Variants in MTF2 observed in about 807,000 individuals in gnomAD.
MTF2 encodes metal-response element-binding transcription factor 2.
In MTF2, 11 loss-of-function variants were observed where a neutral mutation model predicts 79.5. That is an observed-to-expected ratio of 0.14 (90% CI 0.09 to 0.23). MTF2 has a LOEUF of 0.23. MTF2 is among the 10% of genes least tolerant of loss of function. The pLI is 1.00. For missense variants in MTF2, 486 were observed against 711.2 expected (o/e 0.68, Z 3.60); for synonymous variants, 208 against 232.8 (o/e 0.89, Z 0.97).
In MTF2 at chr1:93,115,575, A is replaced by T; in HGVS notation, c.589A>T (p.Thr197Ser). ...CCTTGAATGGGATGCAGGTCATAAA[A>T]CCAATGTCCAGCAGTGTTACTGCTA... The part of the protein sequence containing the change: ...ADLEWDAGHK[T>S]NVQQCYCYCG... The change falls in exon 6 of 15, where the codon ACC becomes TCC. Residue 197 changes from threonine (T) to serine (S), a missense_variant. Thr to Ser is a moderately conservative substitution (Grantham distance 58). This residue lies in a region of MTF2 where 177 missense variants were observed against 364.0 expected (regional missense o/e 0.49). Transcript: ENST00000370298. 6.2e-7 allele frequency: 1 copy of T among 1,611,682 alleles called. No individual in the cohort carries two copies. Among genetic ancestry groups the T allele is most frequent in the Non-Finnish European group, 8.5e-7 (1 of 1,178,914 alleles).
At chr1:93,101,099 T>G (rs1655510684) in intron 1 of MTF2, among the ~76,000 whole-genome samples, 1 of 152,220 alleles carries the variant, frequency 6.6e-6, no homozygotes, top group Non-Finnish European at 1.5e-5. Context: ...TGGGAAGAAT[T>G]AATCCATTTT....
intron 1 of MTF2, 144 bp downstream of exon 1, chr1:93,079,675 A>G (rs1481713136): frequency 3.9e-6 from 4 of 1,036,196 alleles, no homozygotes; most frequent in South Asian, 1.3e-5. Context: ...CTTTGCATTT[A>G]TGTGTATATT....
intron 1 of MTF2, among the ~76,000 whole-genome samples, chr1:93,084,039 T>C (rs1571211123): frequency 6.6e-6 from 1 of 152,234 alleles, no homozygotes; most frequent in Non-Finnish European, 1.5e-5. Context: ...ACAAATATTC[T>C]TAATTTTGAT....
Position 93,079,410 on chromosome 1 carries a change from C to G in MTF2, c.-117C>G, listed in dbSNP as rs1571207188. On this transcript the variant is annotated 5_prime_UTR_variant, in exon 1 of 15. Transcript: ENST00000370298. ...CCTCGGTTTGTGCGTGCATATGTGC[C>G]GGGTACCCGGTGGGGCGGGTGCCCA... The G allele has an allele frequency of 7.6e-7, 1 of 1,323,878 alleles. No individual in the cohort carries two copies. The highest frequency in any genetic ancestry group is 1.2e-5 in the South Asian group (1 of 83,330). 82.0% of individuals were successfully genotyped at this position (1,323,878 alleles called of 1,614,324 possible).
At chr1:93,089,803 G>A (rs1050060916) in intron 1 of MTF2, among the ~76,000 whole-genome samples, 4 of 151,682 alleles carry the variant, frequency 2.6e-5, no homozygotes, top group Admixed American at 2.6e-4. Context: ...CCAGCCTCAA[G>A]GGATGTTCCT....
chr1:93,112,964 T>G (rs1473389517), intron 3 of MTF2, among the ~76,000 whole-genome samples: 1 of 152,216 alleles, frequency 6.6e-6, no homozygotes, highest in East Asian at 1.9e-4. Flanking sequence ...CTCGCGGGGC[T>G]GTTGTTCCAT....
chr1:93,117,037 A>C (rs1425456045), intron 6 of MTF2, among the ~76,000 whole-genome samples: 1 of 152,218 alleles, frequency 6.6e-6, no homozygotes, highest in Non-Finnish European at 1.5e-5. Context: ...ATAATAATGA[A>C]AAAGTTTGAA....
Position 93,130,701 on chromosome 1 carries a change from A to G in MTF2, c.1160+1253A>G, listed in dbSNP as rs147918021. On this transcript the variant is annotated intron_variant, in intron 11 of 14. Coordinates refer to ENST00000370298, the MANE Select transcript of MTF2 (RefSeq NM_007358.4). The stretch of plus-strand genomic sequence containing the variant: ...AGATAGATGATATGAGGGCTTGTGC[A>G]GAGGTAGGTGGTAACACTCAAATGG... Among the ~76,000 whole-genome samples, 1,192 of 152,340 alleles carry G rather than the reference A, an allele frequency of 7.8e-3. 22 individuals are homozygous for G. Among genetic ancestry groups the G allele is most frequent in the African/African-American group, 0.027 (1,139 of 41,572 alleles).
intron 1 of MTF2, among the ~76,000 whole-genome samples, chr1:93,088,846 A>G (rs766669550): frequency 7.2e-5 from 11 of 152,172 alleles, no homozygotes; most frequent in Admixed American, 2.0e-4. Context: ...TGCTGGGATT[A>G]CAGGCATGAA....
At chr1:93,121,538 CCT>C (rs767683274) in intron 9 of MTF2, 31 of 984,138 alleles carry the variant, frequency 3.1e-5, no homozygotes, top group Non-Finnish European at 3.3e-5. Context: ...CGAAGGACAT[CCT>C]ATTTCATATC....
chr1:93,094,245 A>G (rs1655190643), intron 1 of MTF2, among the ~76,000 whole-genome samples: 1 of 151,918 alleles, frequency 6.6e-6, no homozygotes. Context: ...AATTTTCTTA[A>G]TCTGTTTTCT....
intron 3 of MTF2, 47 bp from the exon 4 acceptor site, chr1:93,114,641 T>C (rs758496459): frequency 1.4e-6 from 2 of 1,476,130 alleles, no homozygotes; most frequent in African/African-American, 2.8e-5. Flanking sequence ...TTTTGTTTTA[T>C]GGAATTTTTT....
chr1:93,094,064 C>A (rs558691092), intron 1 of MTF2, among the ~76,000 whole-genome samples: 1 of 152,258 alleles, frequency 6.6e-6, no homozygotes, highest in East Asian at 1.9e-4. Flanking sequence ...AACGTAGTAT[C>A]TTTGTCCTTG....
intron 7 of MTF2, 117 bp downstream of exon 7, chr1:93,118,557 T>G: frequency 1.6e-6 from 1 of 610,908 alleles, no homozygotes; most frequent in Non-Finnish European, 2.7e-6. Context: ...AGGGGTTGTC[T>G]CAGAGGGAAA....
In MTF2 at chr1:93,079,391, T is replaced by G; in HGVS notation, c.-136T>G. The G allele has an allele frequency of 1.8e-6, 2 of 1,091,492 alleles. No individual in the cohort carries two copies. The highest frequency in any genetic ancestry group is 1.3e-5 in the South Asian group (1 of 77,212). 67.6% of individuals were successfully genotyped at this position (1,091,492 alleles called of 1,614,324 possible). On this transcript the variant is annotated 5_prime_UTR_variant, in exon 1 of 15. Transcript: ENST00000370298. ...CAACCCTTGTCTCCAAGGACCTCGG[T>G]TTGTGCGTGCATATGTGCCGGGTAC...
At chr1:93,112,240 A>G (rs1656057966) in intron 3 of MTF2, among the ~76,000 whole-genome samples, 1 of 152,236 alleles carries the variant, frequency 6.6e-6, no homozygotes, top group African/African-American at 2.4e-5. Flanking sequence ...TGCTATAAAA[A>G]TGAATAAATG....
In MTF2 at chr1:93,079,401, C is replaced by T. The variant is rs1571207172; in HGVS notation, c.-126C>T. 7.5e-6 allele frequency: 9 copies of T among 1,200,238 alleles called. No homozygotes were observed. The highest frequency in any genetic ancestry group is 8.6e-6 in the Non-Finnish European group (7 of 812,720). 74.3% of individuals were successfully genotyped at this position (1,200,238 alleles called of 1,614,324 possible). ...CTCCAAGGACCTCGGTTTGTGCGTGCATATGTGCCGGGTACCCGGTGGGGC... is the reference window on the plus strand; with the variant it reads ...CTCCAAGGACCTCGGTTTGTGCGTGTATATGTGCCGGGTACCCGGTGGGGC... On this transcript the variant is annotated 5_prime_UTR_variant, in exon 1 of 15. Coordinates refer to ENST00000370298, the MANE Select transcript of MTF2 (RefSeq NM_007358.4).
At position 93,079,462 on chromosome 1, in the gene MTF2, C is replaced by G. The variant is rs1654502256; in HGVS notation, c.-65C>G. 3.7e-6 allele frequency: 6 copies of G among 1,610,288 alleles called. No individual in the cohort carries two copies. Among genetic ancestry groups the G allele is most frequent in the Non-Finnish European group, 5.1e-6 (6 of 1,177,278 alleles). On this transcript the variant is annotated 5_prime_UTR_variant, in exon 1 of 15. Transcript: ENST00000370298. ...TAAGTGCTCGGACTCGCAGGGGAAGCGCCCACGGGGACGGATTGGTTGTTT... is the reference window on the plus strand; with the variant it reads ...TAAGTGCTCGGACTCGCAGGGGAAGGGCCCACGGGGACGGATTGGTTGTTT...
At chr1:93,118,261 C>CT (rs34049352) in intron 6 of MTF2, 84 bp from the exon 7 acceptor site, 9,475 of 502,544 alleles carry the variant, frequency 0.019, 3 homozygotes, top group Middle Eastern at 0.03. Context: ...GATTAGGCCA[C>CT]TTTTTTTTTT....
Sources: gnomAD v4.1 joint callset for allele counts (sites outside exome capture counted in the v4.1 genomes callset) on GRCh38, gnomAD v4.1.1 for gene constraint, gnomAD v4.1.1 regional missense constraint, MANE v1.5 for transcripts, NCBI Gene and HGNC (gene_info 2026-07-23, HGNC 2026-07-21) for gene names.